The following ANK1 variants were observed in gnomAD, a reference collection of about 807,000 sequenced individuals.
ANK1 encodes ankyrin 1.
Under a neutral mutation model 210.4 loss-of-function variants are expected in ANK1, and 51 were observed. The ratio of observed to expected loss-of-function variants is 0.24; its 90% CI spans 0.19 to 0.31. The LOEUF is 0.31. Ranked by LOEUF, ANK1 falls within the 10% of genes least tolerant of loss-of-function variation. The probability of loss-of-function intolerance (pLI) is 1.00; values close to 1 mark genes in which losing one functional copy is unlikely to be tolerated. For synonymous variants in ANK1, 967 were observed against 1,025.9 expected (o/e 0.94, Z 1.10); for missense variants, 2,051 against 2,504.4 (o/e 0.82, Z 3.86).
upstream of ANK1, among the ~76,000 whole-genome samples, chr8:41,802,420 C>T (rs1183523628): frequency 6.6e-6 from 1 of 152,140 alleles, no homozygotes; most frequent in Non-Finnish European, 1.5e-5. Flanking sequence ...CCATCCTCTC[C>T]CAGCTGAACT....
intron 22 of ANK1, 67 bp downstream of exon 22, chr8:41,701,483 A>G: frequency 6.8e-7 from 1 of 1,465,698 alleles, no homozygotes; most frequent in Non-Finnish European, 9.6e-7. Flanking sequence ...GGTGGCAGGA[A>G]GCCCCCTTGG....
chr8:41,729,768 C>T (rs946818695), intron 3 of ANK1, among the ~76,000 whole-genome samples: 7 of 152,248 alleles, frequency 4.6e-5, no homozygotes, highest in Admixed American at 1.3e-4. Context: ...TACCCACAGC[C>T]TTCCAGCCAG....
At chr8:41,825,626 CG>C (rs1795784611) in intron 1 of ANK1, among the ~76,000 whole-genome samples, 1 of 152,226 alleles carries the variant, frequency 6.6e-6, no homozygotes, top group Admixed American at 6.5e-5. Context: ...GACTGCACAG[CG>C]TGGTGGGATT....
chr8:41,782,490 T>C (rs1008322694), intron 1 of ANK1, among the ~76,000 whole-genome samples: 3 of 152,044 alleles, frequency 2.0e-5, no homozygotes, highest in African/African-American at 7.3e-5. Context: ...CAAAATAAGA[T>C]CTTATTTCCC....
intron 1 of ANK1, chr8:41,896,246 G>A: frequency 7.3e-7 from 1 of 1,369,254 alleles, no homozygotes. Context: ...CGCCAACTCC[G>A]CCGCACCGGG....
intron 35 of ANK1, 104 bp from the exon 36 acceptor site, chr8:41,686,387 T>C (rs1817682615): frequency 1.3e-6 from 2 of 1,486,940 alleles, no homozygotes; most frequent in African/African-American, 2.8e-5. Flanking sequence ...GGGGACCCAG[T>C]GGGGAGCACA....
chr8:41,798,265 G>A (rs1445745813), upstream of ANK1, among the ~76,000 whole-genome samples: 1 of 152,096 alleles, frequency 6.6e-6, no homozygotes, highest in Non-Finnish European at 1.5e-5. Flanking sequence ...TGCCCCCTCT[G>A]TTCTCCGCGT....
intron 18 of ANK1, among the ~76,000 whole-genome samples, chr8:41,705,031 G>A (rs1489151274): frequency 6.6e-6 from 1 of 152,228 alleles, no homozygotes; most frequent in Non-Finnish European, 1.5e-5. Context: ...CCAAGTGACT[G>A]TGGTGTAATG....
At chr8:41,775,779 C>T (rs756417350) in intron 1 of ANK1, among the ~76,000 whole-genome samples, 8 of 151,912 alleles carry the variant, frequency 5.3e-5, no homozygotes, top group Non-Finnish European at 1.0e-4. Context: ...CCCAGCTACC[C>T]GGGAGGCTGA....
chr8:41,817,900 G>A (rs368599523), intron 1 of ANK1, among the ~76,000 whole-genome samples: 5 of 152,186 alleles, frequency 3.3e-5, no homozygotes, highest in Non-Finnish European at 4.4e-5. Flanking sequence ...AGACAGCCAC[G>A]GAGAGAAACC....
At chr8:41,847,289 AG>A (rs1346619421) in intron 1 of ANK1, among the ~76,000 whole-genome samples, 1 of 152,210 alleles carries the variant, frequency 6.6e-6, no homozygotes, top group Admixed American at 6.5e-5. Context: ...TTCAGCTCTA[AG>A]GTTTACCTGG....
intron 7 of ANK1, among the ~76,000 whole-genome samples, 159 bp from the exon 8 acceptor site, chr8:41,723,792 A>ATTT (rs1201907717): frequency 5.0e-5 from 7 of 140,090 alleles, no homozygotes; most frequent in Admixed American, 7.1e-5. Flanking sequence ...TTTATTTTTT[A>ATTT]TTTTTTTTTT....
intron 2 of ANK1, among the ~76,000 whole-genome samples, chr8:41,737,663 C>A (rs1008690652): frequency 1.3e-5 from 2 of 152,228 alleles, no homozygotes; most frequent in African/African-American, 4.8e-5. Flanking sequence ...GTAGATTTGT[C>A]TTTAACATAG....
chr8:41,895,906 C>CT (rs974801800), intron 1 of ANK1, among the ~76,000 whole-genome samples: 1 of 152,068 alleles, frequency 6.6e-6, no homozygotes, highest in Non-Finnish European at 1.5e-5. Flanking sequence ...GAGCTGCCCC[C>CT]CCCCGGCCCG....
chr8:41,874,187 G>C, intron 1 of ANK1, among the ~76,000 whole-genome samples: 1 of 152,196 alleles, frequency 6.6e-6, no homozygotes, highest in Non-Finnish European at 1.5e-5. Flanking sequence ...ACTTAGGGAT[G>C]GACCAGGTAT....
intron 1 of ANK1, among the ~76,000 whole-genome samples, chr8:41,881,033 A>G (rs1236481018): frequency 6.6e-6 from 1 of 152,210 alleles, no homozygotes; most frequent in African/African-American, 2.4e-5. Flanking sequence ...CAGAGTACAG[A>G]GAGTTGGGCC....
chr8:41,865,822 G>A (rs916720389), intron 1 of ANK1, among the ~76,000 whole-genome samples: 6 of 151,586 alleles, frequency 4.0e-5, no homozygotes, highest in East Asian at 1.9e-4. Context: ...CCTCCTAATC[G>A]CCTCCATCCC....
At chr8:41,800,164 C>T (rs1460134530), upstream of ANK1, among the ~76,000 whole-genome samples, 1 of 152,178 alleles carries the variant, frequency 6.6e-6, no homozygotes, top group Non-Finnish European at 1.5e-5. Context: ...CAGTGCTCCT[C>T]TCCACTCCCC....
At chr8:41,667,775 T>G (rs1811029192) in intron 39 of ANK1, among the ~76,000 whole-genome samples, 1 of 151,976 alleles carries the variant, frequency 6.6e-6, no homozygotes, top group African/African-American at 2.4e-5. Flanking sequence ...GCCACAGAAT[T>G]CCAGAGCCAA....
Sources: gnomAD v4.1 joint callset for allele counts (sites outside exome capture counted in the v4.1 genomes callset) on GRCh38, gnomAD v4.1.1 for gene constraint, MANE v1.5 for transcripts, NCBI Gene and HGNC (gene_info 2026-07-23, HGNC 2026-07-21) for gene names.